SCEL: variants seen among roughly 807,000 people sequenced by gnomAD.
The protein encoded by SCEL is sciellin.
SCEL carries 113 observed loss-of-function variants against 117.6 expected under a neutral mutation model. The ratio of observed to expected loss-of-function variants is 0.96; its 90% CI spans 0.83 to 1.12. The LOEUF is 1.12. Among genes scored for constraint, SCEL ranks in the 50% most tolerant of loss-of-function variants. The probability of loss-of-function intolerance (pLI) is 0.00; values close to 1 mark genes in which losing one functional copy is unlikely to be tolerated. For missense variants in SCEL, 785 were observed against 810.8 expected, an observed-to-expected ratio of 0.97 and a Z score of 0.39; for synonymous variants, 270 against 256.2, an observed-to-expected ratio of 1.05 and a Z score of -0.51.
At chr13:77,609,578 G>C (rs769899766) in intron 21 of SCEL, among the ~76,000 whole-genome samples, 2 of 152,190 alleles carry the variant, frequency 1.3e-5, no homozygotes, top group Non-Finnish European at 2.9e-5. Flanking sequence ...ATCTAATTCA[G>C]TTACTAAGTT....
At chr13:77,571,757 T>C (rs1200101410) in intron 8 of SCEL, among the ~76,000 whole-genome samples, 2 of 151,542 alleles carry the variant, frequency 1.3e-5, no homozygotes, top group African/African-American at 2.4e-5. Flanking sequence ...TTGTTATTTC[T>C]GTTGTGAAAT....
chr13:77,548,507 G>T (rs1056813468), intron 1 of SCEL, among the ~76,000 whole-genome samples: 3 of 152,190 alleles, frequency 2.0e-5, no homozygotes, highest in Admixed American at 1.3e-4. Context: ...GAAAAGAAGG[G>T]TGTTGACATT....
At chr13:77,593,613 C>T (rs1215340160) in intron 12 of SCEL, 40 bp downstream of exon 12, 1 of 1,521,084 alleles carries the variant, frequency 6.6e-7, no homozygotes, top group Non-Finnish European at 9.1e-7. Context: ...TTTATCTTCC[C>T]TGGTGTTTCA....
At chr13:77,636,915 T>C (rs534822525) in intron 29 of SCEL, among the ~76,000 whole-genome samples, 14 of 152,266 alleles carry the variant, frequency 9.2e-5, no homozygotes, top group Non-Finnish European at 1.6e-4. Context: ...CTACTCTCTA[T>C]TTATTTTGGT....
At chr13:77,563,784 T>C in intron 4 of SCEL, 47 bp from the exon 5 acceptor site, 1 of 1,445,812 alleles carries the variant, frequency 6.9e-7, no homozygotes, top group Non-Finnish European at 9.5e-7. Flanking sequence ...ACTTTTTTTT[T>C]GTAATTGATT....
chr13:77,579,176 T>C (rs1056012505), intron 9 of SCEL, among the ~76,000 whole-genome samples: 5 of 152,192 alleles, frequency 3.3e-5, no homozygotes, highest in African/African-American at 1.2e-4. Flanking sequence ...TTTCATACTC[T>C]AAGGTGTTAC....
intron 9 of SCEL, among the ~76,000 whole-genome samples, chr13:77,583,991 T>C (rs2086412493): frequency 6.6e-6 from 1 of 152,246 alleles, no homozygotes; most frequent in Non-Finnish European, 1.5e-5. Flanking sequence ...AAATCCACGT[T>C]TTTTATTCCT....
intron 9 of SCEL, among the ~76,000 whole-genome samples, chr13:77,574,554 T>C (rs1358759057): frequency 2.0e-5 from 3 of 152,246 alleles, no homozygotes; most frequent in Non-Finnish European, 4.4e-5. Context: ...GCAATGCCTT[T>C]GATTTTTGAA....
At chr13:77,552,330 A>G (rs1380088064) in intron 1 of SCEL, among the ~76,000 whole-genome samples, 1 of 151,388 alleles carries the variant, frequency 6.6e-6, no homozygotes, top group Non-Finnish European at 1.5e-5. Flanking sequence ...AAGTGTTCCT[A>G]TTTCTCCACA....
chr13:77,563,359 G>A (rs1015642486), intron 4 of SCEL, among the ~76,000 whole-genome samples: 3 of 151,660 alleles, frequency 2.0e-5, no homozygotes, highest in Admixed American at 1.3e-4. Flanking sequence ...CCCTGTCCAC[G>A]GTGCTGAATA....
At chr13:77,638,490 A>C (rs1447221883) in intron 30 of SCEL, among the ~76,000 whole-genome samples, 3 of 152,236 alleles carry the variant, frequency 2.0e-5, no homozygotes, top group African/African-American at 7.2e-5. Flanking sequence ...TATTTCTATT[A>C]TTAAGGGAGG....
intron 5 of SCEL, among the ~76,000 whole-genome samples, chr13:77,564,939 T>C (rs1260838599): frequency 6.6e-6 from 1 of 152,186 alleles, no homozygotes; most frequent in African/African-American, 2.4e-5. Flanking sequence ...GTTTGTAGTA[T>C]ATGTACAAGA....
At chr13:77,597,426 C>T (rs559081340) in intron 12 of SCEL, 119 bp from the exon 13 acceptor site, 5 of 594,092 alleles carry the variant, frequency 8.4e-6, no homozygotes, top group Admixed American at 3.8e-5. Flanking sequence ...TCAGGATTTT[C>T]GCAGATGATA....
At chr13:77,609,153 T>C (rs746957394) in intron 21 of SCEL, 36 bp downstream of exon 21, 1 of 1,441,158 alleles carries the variant, frequency 6.9e-7, no homozygotes, top group Non-Finnish European at 9.5e-7. Context: ...TGTTTCATAG[T>C]AACCAATGCC....
intron 1 of SCEL, among the ~76,000 whole-genome samples, chr13:77,539,419 A>G (rs1378025753): frequency 6.6e-6 from 1 of 152,102 alleles, no homozygotes; most frequent in Admixed American, 6.5e-5. Context: ...AACATTTTAT[A>G]GTAAGACATA....
chr13:77,555,612 G>A (rs1004497772), intron 1 of SCEL, among the ~76,000 whole-genome samples: 2 of 152,144 alleles, frequency 1.3e-5, no homozygotes, highest in African/African-American at 2.4e-5. Flanking sequence ...TGATTCTACC[G>A]ATTGCTTATG....
At chr13:77,631,462 C>T (rs80178166) in intron 28 of SCEL, among the ~76,000 whole-genome samples, 2 of 152,044 alleles carry the variant, frequency 1.3e-5, no homozygotes, top group Non-Finnish European at 2.9e-5. Flanking sequence ...AATGTAAAAA[C>T]CAGTGAGACA....
intron 9 of SCEL, among the ~76,000 whole-genome samples, chr13:77,577,196 G>A (rs1427288863): frequency 6.6e-6 from 1 of 152,114 alleles, no homozygotes; most frequent in East Asian, 1.9e-4. Flanking sequence ...GGTGAGAAAG[G>A]GCATGGCCAT....
chr13:77,640,710 C>T lies in SCEL; in HGVS notation c.1873C>T (p.Arg625Ter), dbSNP rs747224601. 13 of 1,603,990 alleles carry T rather than the reference C, an allele frequency of 8.1e-6. No homozygotes were observed. The highest frequency in any genetic ancestry group is 3.4e-5 in the Admixed American group (2 of 59,010). ...TGAAAGAGATATGTGCACTTACTGC[C>T]GAAAACCCTTGGGTGTAGAAACTAA... is the stretch of plus-strand genomic sequence containing the variant. ...VIERDMCTYC[R>*]KPLGVETKMI... Residue 625 changes from arginine to a stop codon, truncating the protein, a stop_gained, in exon 31 of 33, where the codon CGA (arginine) becomes TGA (stop). Coordinates refer to ENST00000349847, the MANE Select transcript of SCEL (RefSeq NM_144777.3). LOFTEE classifies it high-confidence loss of function.
Sources: gnomAD v4.1 joint callset for allele counts (sites outside exome capture counted in the v4.1 genomes callset) on GRCh38, gnomAD v4.1.1 for gene constraint, MANE v1.5 for transcripts, NCBI Gene and HGNC (gene_info 2026-07-23, HGNC 2026-07-21) for gene names.